DNAH8: variants seen among roughly 807,000 people sequenced by gnomAD.
The protein encoded by DNAH8 is dynein axonemal heavy chain 8.
Under a neutral mutation model 562.1 loss-of-function variants are expected in DNAH8, and 382 were observed. That is an observed-to-expected ratio of 0.68 (90% CI 0.63 to 0.74). The LOEUF (loss-of-function observed/expected upper bound fraction) is 0.74. Among genes scored for constraint, DNAH8 ranks in the 30% least tolerant of loss-of-function variants. The pLI is 0.00. For synonymous variants in DNAH8, 1,881 were observed against 1,919.4 expected (o/e 0.98, Z 0.52); for missense variants, 5,203 against 5,620.4 (o/e 0.93, Z 2.37).
At position 38,746,205 on chromosome 6, in the gene DNAH8, A is replaced by G. The variant is rs1764916931; in HGVS notation, c.1294-4271A>G. ...CGTTTATTTTCATTAATATAGCCTC[A>G]TGGGTATTTATTTCATGCTTTTGGT... is the stretch of plus-strand genomic sequence containing the variant. On this transcript the variant is annotated intron_variant, in intron 8 of 92. Transcript: ENST00000327475. 3.9e-5 allele frequency among the ~76,000 whole-genome samples: 6 copies of G among 152,168 alleles called. 1 individual carries two copies. In the South Asian group the frequency reaches 8.3e-4, roughly 21 times the overall value.
At chr6:39,009,985 T>A (rs6458090) in intron 89 of DNAH8, among the ~76,000 whole-genome samples, 1,606 of 152,318 alleles carry the variant, frequency 0.011, 36 homozygotes, top group African/African-American at 0.036. Context: ...AGATTTTTAA[T>A]ACTGGCATGT....
Position 38,823,610 on chromosome 6 carries a change from C to G in DNAH8, c.3769C>G (p.Leu1257Val). The G allele has an allele frequency of 6.2e-7, 1 of 1,609,500 alleles. No individual in the cohort carries two copies. The highest frequency in any genetic ancestry group is 2.2e-5 in the East Asian group (1 of 44,780). Residue 1257 changes from leucine to valine, a missense_variant, in exon 28 of 93, where the codon CTA becomes GTA. Physicochemically the swap from Leu to Val is conservative, Grantham distance 32. Transcript: ENST00000327475. ...PSLTEIRSEI[L>V]HYATFEQEID... ...TCTGACTGAAATCAGATCAGAAATT[C>G]TACACTATGCTACTTTTGAACAGGA...
At chr6:38,971,097 A>G (rs935335793) in intron 82 of DNAH8, among the ~76,000 whole-genome samples, 4 of 152,224 alleles carry the variant, frequency 2.6e-5, no homozygotes, top group African/African-American at 7.2e-5. Context: ...GATCAAACAT[A>G]CAAAGAAAAC....
chr6:38,868,213 C>A lies in DNAH8; in HGVS notation c.6828+17C>A, dbSNP rs200114190. 6.9e-6 allele frequency: 11 copies of A among 1,589,824 alleles called. No homozygotes were observed. In the Admixed American group the frequency reaches 2.0e-4, roughly 29 times the overall value. On this transcript the variant is annotated intron_variant, in intron 48 of 92. Transcript: ENST00000327475. ...TCCAAACTGGTATCTTCTCTGAATT[C>A]TCTTCTTTTCCACAATTTTAATATT...
intron 4 of DNAH8, among the ~76,000 whole-genome samples, chr6:38,733,835 C>T (rs946207692): frequency 6.0e-5 from 9 of 149,190 alleles, no homozygotes; most frequent in East Asian, 2.0e-4. Context: ...CGCTTGAACC[C>T]GGGAGGTGGA....
chr6:38,969,051 C>A (rs529735971), intron 82 of DNAH8, among the ~76,000 whole-genome samples: 52 of 152,010 alleles, frequency 3.4e-4, no homozygotes, highest in Non-Finnish European at 6.8e-4. Flanking sequence ...TGCATAATTC[C>A]ATTTAATGAA....
intron 17 of DNAH8, among the ~76,000 whole-genome samples, chr6:38,784,162 C>T (rs770721261): frequency 6.6e-6 from 1 of 152,162 alleles, no homozygotes; most frequent in South Asian, 2.1e-4. Context: ...TTTTATCAGG[C>T]CAGCTGTTTC....
Position 38,807,391 on chromosome 6 carries a change from A to G in DNAH8, c.3151-219A>G, listed in dbSNP as rs143841039. Among the ~76,000 whole-genome samples, 206 of 152,364 alleles carry G rather than the reference A, an allele frequency of 1.4e-3. 2 individuals carry two copies. The highest frequency in any genetic ancestry group is 3.4e-3 in the Middle Eastern group (1 of 294). On this transcript the variant is annotated intron_variant, in intron 23 of 92. Transcript: ENST00000327475. The stretch of plus-strand genomic sequence containing the variant: ...TTTGAATAAGTCCCTCTGGTTTGCT[A>G]GGGTGTTTATGCAAACACATTTTTC...
intron 87 of DNAH8, among the ~76,000 whole-genome samples, chr6:38,985,999 T>A (rs1489728716): frequency 1.3e-5 from 2 of 152,152 alleles, no homozygotes; most frequent in Non-Finnish European, 2.9e-5. Context: ...AGAGAATAGA[T>A]AAGATGTGGT....
intron 21 of DNAH8, among the ~76,000 whole-genome samples, chr6:38,793,761 T>G (rs1270517916): frequency 1.3e-5 from 2 of 152,166 alleles, no homozygotes; most frequent in Non-Finnish European, 2.9e-5. Context: ...TTTTCTCATG[T>G]CTTTATTCTA....
chr6:39,000,197 A>C (rs918172822), intron 88 of DNAH8, among the ~76,000 whole-genome samples: 1 of 152,248 alleles, frequency 6.6e-6, no homozygotes, highest in Non-Finnish European at 1.5e-5. Flanking sequence ...CTTGGAGCGC[A>C]TCATCTGTTG....
At chr6:38,974,761 A>T (rs1763567015) in intron 85 of DNAH8, among the ~76,000 whole-genome samples, 1 of 152,158 alleles carries the variant, frequency 6.6e-6, no homozygotes, top group African/African-American at 2.4e-5. Context: ...TCCAGGGTGA[A>T]GACTGTCTTT....
At chr6:38,944,685 G>A (rs1170673430) in intron 79 of DNAH8, among the ~76,000 whole-genome samples, 2 of 152,202 alleles carry the variant, frequency 1.3e-5, no homozygotes, top group East Asian at 3.8e-4. Flanking sequence ...GATCAATGCT[G>A]TAACTCATTC....
intron 91 of DNAH8, among the ~76,000 whole-genome samples, chr6:39,015,616 G>T (rs1216581705): frequency 2.0e-5 from 3 of 152,092 alleles, no homozygotes; most frequent in Non-Finnish European, 4.4e-5. Context: ...GTTTCTTGAG[G>T]CATCCCCAGC....
At chr6:38,747,677 G>A (rs558912038) in intron 8 of DNAH8, among the ~76,000 whole-genome samples, 1 of 152,094 alleles carries the variant, frequency 6.6e-6, no homozygotes, top group East Asian at 1.9e-4. Flanking sequence ...GAGCCACCGC[G>A]CTCAGCCACT....
intron 31 of DNAH8, 147 bp downstream of exon 31, chr6:38,832,582 A>G (rs1773933178): frequency 7.1e-6 from 4 of 560,118 alleles, no homozygotes; most frequent in Non-Finnish European, 1.3e-5. Context: ...GGGATAGCTA[A>G]TCCTTTAAAC....
intron 26 of DNAH8, among the ~76,000 whole-genome samples, chr6:38,816,896 G>A (rs775990169): frequency 2.2e-4 from 34 of 152,126 alleles, no homozygotes; most frequent in Non-Finnish European, 4.3e-4. Context: ...CTTTTGCAAA[G>A]TGTCTATTCA....
intron 25 of DNAH8, 28 bp from the exon 26 acceptor site, chr6:38,815,440 A>G (rs772235137): frequency 1.8e-5 from 29 of 1,576,342 alleles, no homozygotes; most frequent in Non-Finnish European, 2.4e-5. Context: ...TGCCGGCAGT[A>G]TTACACATTT....
chr6:38,752,188 GAGTCTCTCTCTGTCAC>G (rs1312799455), intron 9 of DNAH8, among the ~76,000 whole-genome samples: 1 of 151,124 alleles, frequency 6.6e-6, no homozygotes, highest in African/African-American at 2.5e-5. Context: ...CCCCGGGATG[GAGTCTCTCTCTGTCAC>G]CCAGGCTGGA....
Sources: allele counts gnomAD v4.1 joint callset (sites outside exome capture counted in the v4.1 genomes callset), GRCh38; gene constraint gnomAD v4.1.1; transcripts MANE v1.5; gene names NCBI Gene and HGNC (gene_info 2026-07-23, HGNC 2026-07-21).